HMGN3: variants seen among roughly 807,000 people sequenced by gnomAD.
The protein encoded by HMGN3 is high mobility group nucleosomal binding domain 3.
In HMGN3, 6 loss-of-function variants were observed where a neutral mutation model predicts 18.8. The observed-to-expected ratio is 0.32, with a 90% CI of 0.18 to 0.63. HMGN3 has a LOEUF of 0.63. Ranked by LOEUF, HMGN3 falls within the 30% of genes least tolerant of loss-of-function variation. The pLI is 0.79. For missense variants in HMGN3, 107 were observed against 114.2 expected, an observed-to-expected ratio of 0.94 and a Z score of 0.29; for synonymous variants, 40 against 36.5, an observed-to-expected ratio of 1.10 and a Z score of -0.35.
exon 3 of HMGN3, chr6:79,208,571 T>G (rs748450712): frequency 5.0e-6 from 8 of 1,610,798 alleles, no homozygotes; most frequent in Non-Finnish European, 6.8e-6. Flanking sequence ...CAGACCGTCT[T>G]GTGGGCTACA....
chr6:79,203,294 T>C (rs1014966606), intron 4 of HMGN3, among the ~76,000 whole-genome samples: 1 of 152,190 alleles, frequency 6.6e-6, no homozygotes, highest in Non-Finnish European at 1.5e-5. Flanking sequence ...TCATCCCCGC[T>C]GTGTGCCGCA....
chr6:79,225,465 C>A (rs370418728), intron 1 of HMGN3, among the ~76,000 whole-genome samples: 2 of 152,132 alleles, frequency 1.3e-5, no homozygotes, highest in East Asian at 1.9e-4. Context: ...TTATTCTTCA[C>A]GAGTTCCAAA....
chr6:79,226,351 A>C (rs907663509), intron 1 of HMGN3, among the ~76,000 whole-genome samples: 68 of 152,292 alleles, frequency 4.5e-4, no homozygotes, highest in African/African-American at 1.4e-3. Flanking sequence ...CAATTTTCTC[A>C]TATGTAAAAT....
intron 3 of HMGN3, 67 bp from the exon 4 acceptor site, chr6:79,203,697 A>G: frequency 8.3e-7 from 1 of 1,203,100 alleles, no homozygotes; most frequent in South Asian, 1.3e-5. Flanking sequence ...CAAAAGAAAC[A>G]CAAAAGGACT....
At chr6:79,223,783 T>C (rs1375374759) in intron 1 of HMGN3, among the ~76,000 whole-genome samples, 1 of 151,458 alleles carries the variant, frequency 6.6e-6, no homozygotes, top group Non-Finnish European at 1.5e-5. Context: ...AACATGGCCA[T>C]GCAGAAAGCA....
chr6:79,214,312 C>T (rs926612503), intron 2 of HMGN3, among the ~76,000 whole-genome samples: 2 of 151,768 alleles, frequency 1.3e-5, no homozygotes, highest in African/African-American at 4.8e-5. Flanking sequence ...CACCATTCTC[C>T]TGCCTCAGCC....
chr6:79,234,408 T>TAAA, intron 1 of HMGN3, 138 bp downstream of exon 1: 1 of 778,454 alleles, frequency 1.3e-6, no homozygotes, highest in Non-Finnish European at 2.2e-6. Context: ...AACAGGCATC[T>TAAA]AAAAACAAGC....
chr6:79,232,090 G>C (rs1777867529), intron 1 of HMGN3, among the ~76,000 whole-genome samples: 1 of 152,074 alleles, frequency 6.6e-6, no homozygotes, highest in Admixed American at 6.6e-5. Context: ...AGTACTAGGG[G>C]GACATTTTAA....
chr6:79,203,916 T>G (rs1007653256), intron 3 of HMGN3, among the ~76,000 whole-genome samples: 7 of 152,210 alleles, frequency 4.6e-5, no homozygotes, highest in African/African-American at 1.7e-4. Flanking sequence ...AGCTTCTATC[T>G]CCAATGTGTC....
intron 1 of HMGN3, among the ~76,000 whole-genome samples, chr6:79,232,546 G>T (rs1777895851): frequency 6.6e-6 from 1 of 151,784 alleles, no homozygotes; most frequent in African/African-American, 2.4e-5. Flanking sequence ...TATGCATGGG[G>T]GTTCCCTGCC....
chr6:79,205,708 C>T (rs900450708), intron 3 of HMGN3, among the ~76,000 whole-genome samples: 1 of 152,166 alleles, frequency 6.6e-6, no homozygotes, highest in African/African-American at 2.4e-5. Flanking sequence ...GACTTTAGAA[C>T]TGGGTAACAG....
chr6:79,201,473 G>A (rs34043789), exon 6 of HMGN3: 49,158 of 532,046 alleles, frequency 0.092, 2,600 homozygotes, highest in Middle Eastern at 0.15. Context: ...CTTACACACA[G>A]CTTCCAATAT....
At chr6:79,203,689 A>G (rs1243034561) in intron 3 of HMGN3, 59 bp from the exon 4 acceptor site, 12 of 1,283,814 alleles carry the variant, frequency 9.3e-6, no homozygotes, top group African/African-American at 1.5e-5. Context: ...ATCAGCACCA[A>G]AAGAAACACA....
intron 2 of HMGN3, among the ~76,000 whole-genome samples, chr6:79,214,408 A>G (rs961055172): frequency 6.6e-6 from 1 of 152,066 alleles, no homozygotes; most frequent in African/African-American, 2.4e-5. Flanking sequence ...TCACCGTGTT[A>G]GCCAGGATGG....
chr6:79,234,125 T>C, intron 1 of HMGN3: 1 of 164,120 alleles, frequency 6.1e-6, no homozygotes, highest in East Asian at 1.7e-4. Flanking sequence ...TCCCAACATT[T>C]GCCTGATTTA....
intron 1 of HMGN3, among the ~76,000 whole-genome samples, chr6:79,226,259 G>T (rs1777562830): frequency 6.6e-6 from 1 of 152,194 alleles, no homozygotes; most frequent in Non-Finnish European, 1.5e-5. Context: ...AGGCTCTGCA[G>T]CCAGACTTCA....
chr6:79,220,479 C>T (rs959177951), intron 1 of HMGN3, among the ~76,000 whole-genome samples: 7 of 152,232 alleles, frequency 4.6e-5, no homozygotes, highest in African/African-American at 1.7e-4. Context: ...CGAAGTCTCA[C>T]TCTGTCACCC....
At chr6:79,209,794 T>C (rs1387131735) in intron 2 of HMGN3, among the ~76,000 whole-genome samples, 1 of 152,208 alleles carries the variant, frequency 6.6e-6, no homozygotes, top group Non-Finnish European at 1.5e-5. Context: ...ACTTTCTTGC[T>C]GAAAATAGCC....
At chr6:79,207,772 T>C (rs1448880418) in intron 3 of HMGN3, among the ~76,000 whole-genome samples, 1 of 152,154 alleles carries the variant, frequency 6.6e-6, no homozygotes, top group Admixed American at 6.5e-5. Context: ...AAGACCAAAG[T>C]AGCATGAAGC....
Sources: gnomAD v4.1 joint callset for allele counts (sites outside exome capture counted in the v4.1 genomes callset) on GRCh38, gnomAD v4.1.1 for gene constraint, MANE v1.5 for transcripts, NCBI Gene and HGNC (gene_info 2026-07-23, HGNC 2026-07-21) for gene names.